Variants in CA10 observed in about 807,000 individuals in gnomAD.
The protein encoded by CA10 is carbonic anhydrase 10 (inactive), also known as carbonic anhydrase-related protein 10.
A neutral mutation model predicts 44.2 loss-of-function variants in CA10; 14 were observed. The observed-to-expected ratio is 0.32, with a 90% CI of 0.21 to 0.50. The LOEUF is 0.50. Ranked by LOEUF, CA10 falls within the 20% of genes least tolerant of loss-of-function variation. CA10 has a pLI of 0.99. For missense variants in CA10, 350 were observed against 409.7 expected (o/e 0.85, Z 1.26); for synonymous variants, 159 against 141.6 (o/e 1.12, Z -0.87).
intron 2 of CA10, among the ~76,000 whole-genome samples, chr17:52,040,045 TGAA>T (rs2144189377): frequency 1.3e-5 from 2 of 152,118 alleles, no homozygotes; most frequent in African/African-American, 4.8e-5. Flanking sequence ...ACACAATGTG[TGAA>T]GGAGTGGGCA....
chr17:51,943,683 T>G (rs1983168920), intron 2 of CA10, among the ~76,000 whole-genome samples: 1 of 152,134 alleles, frequency 6.6e-6, no homozygotes, highest in South Asian at 2.1e-4. Context: ...ATTAAATAAG[T>G]CTATGGCGGG....
At chr17:52,103,971 A>G (rs1471892399) in intron 1 of CA10, among the ~76,000 whole-genome samples, 1 of 152,252 alleles carries the variant, frequency 6.6e-6, no homozygotes, top group Non-Finnish European at 1.5e-5. Context: ...AGCTCTGCAG[A>G]ACCTAAAGTT....
At chr17:51,860,608 G>A (rs1979260394) in intron 3 of CA10, among the ~76,000 whole-genome samples, 1 of 152,096 alleles carries the variant, frequency 6.6e-6, no homozygotes, top group Admixed American at 6.6e-5. Flanking sequence ...CCTTAAGTTA[G>A]GTTTTCTCCT....
intron 3 of CA10, among the ~76,000 whole-genome samples, chr17:51,789,296 G>A (rs773512213): frequency 1.1e-4 from 16 of 152,166 alleles, no homozygotes; most frequent in Non-Finnish European, 1.8e-4. Flanking sequence ...GATTACAGGC[G>A]TGAGCCACCG....
chr17:51,910,329 C>T (rs965271520), intron 3 of CA10, among the ~76,000 whole-genome samples: 1 of 151,836 alleles, frequency 6.6e-6, no homozygotes, highest in Non-Finnish European at 1.5e-5. Context: ...CTGATAACAA[C>T]GAAAGAGCAG....
In CA10 at chr17:51,820,413, C is replaced by T. The variant is rs370727332; in HGVS notation, c.280-72595G>A. 5.2e-5 allele frequency among the ~76,000 whole-genome samples: 5 copies of T among 96,374 alleles called. 1 individual carries two copies. Among genetic ancestry groups the T allele is most frequent in the Admixed American group, 9.7e-5 (1 of 10,344 alleles). The allele number at this position is 96,374 out of a possible 152,430, so 63.2% of individuals were successfully genotyped here. A position where few individuals can be genotyped will look rare whatever the true frequency, so the allele number is the denominator to read the frequency against. The stretch of plus-strand genomic sequence containing the variant: ...AACCTGGGGATTCCCCTACCCCCCC[C>T]CCCCCGCCCGCCGATTTTCCTGTAC... On this transcript the variant is annotated intron_variant, in intron 3 of 8. Coordinates refer to ENST00000451037, the MANE Select transcript of CA10 (RefSeq NM_020178.5).
At chr17:51,814,202 T>A (rs1272251786) in intron 3 of CA10, among the ~76,000 whole-genome samples, 2 of 152,208 alleles carry the variant, frequency 1.3e-5, no homozygotes, top group Non-Finnish European at 2.9e-5. Flanking sequence ...TTATTAGTAT[T>A]AAATTATTAA....
intron 3 of CA10, among the ~76,000 whole-genome samples, chr17:51,894,945 C>T (rs764279225): frequency 1.8e-4 from 27 of 152,134 alleles, no homozygotes; most frequent in Admixed American, 6.6e-4. Context: ...AAGAAAAGGC[C>T]AACTGAGTCC....
intron 2 of CA10, among the ~76,000 whole-genome samples, chr17:51,990,103 A>C (rs1251677577): frequency 6.6e-6 from 1 of 152,162 alleles, no homozygotes; most frequent in Non-Finnish European, 1.5e-5. Context: ...CTTAAGATAC[A>C]TCTAGCTCTT....
At chr17:51,810,941 A>G (rs7217855) in intron 3 of CA10, among the ~76,000 whole-genome samples, 48,759 of 152,202 alleles carry the variant, frequency 0.32, 9,487 homozygotes, top group East Asian at 0.51. Flanking sequence ...GGTTGGGCAC[A>G]GTGGCTTACG....
intron 2 of CA10, among the ~76,000 whole-genome samples, chr17:51,949,882 C>A (rs10514990): frequency 0.14 from 21,093 of 152,146 alleles, 1,830 homozygotes; most frequent in South Asian, 0.31. Context: ...GCAACTCAGT[C>A]TAAGGCAGTA....
At chr17:51,723,247 G>T (rs1916408077) in intron 4 of CA10, among the ~76,000 whole-genome samples, 2 of 152,182 alleles carry the variant, frequency 1.3e-5, no homozygotes, top group African/African-American at 2.4e-5. Flanking sequence ...ACATGTAGTT[G>T]GTGGGAGAAC....
At chr17:52,091,541 C>T (rs1398044688) in intron 1 of CA10, among the ~76,000 whole-genome samples, 1 of 152,120 alleles carries the variant, frequency 6.6e-6, no homozygotes, top group African/African-American at 2.4e-5. Flanking sequence ...TAAACAATTT[C>T]CCCCCATTCT....
intron 3 of CA10, among the ~76,000 whole-genome samples, chr17:51,869,666 T>A (rs926207283): frequency 2.0e-5 from 3 of 152,096 alleles, no homozygotes; most frequent in African/African-American, 7.2e-5. Flanking sequence ...TCCCAGAACT[T>A]TGGGAGGCTG....
chr17:51,914,885 T>C (rs928359269), intron 3 of CA10, among the ~76,000 whole-genome samples: 1 of 152,208 alleles, frequency 6.6e-6, no homozygotes, highest in Non-Finnish European at 1.5e-5. Flanking sequence ...TCCTGGTTTG[T>C]AAAACTGGCC....
intron 4 of CA10, among the ~76,000 whole-genome samples, chr17:51,731,188 C>G (rs1032735326): frequency 1.3e-5 from 2 of 152,086 alleles, no homozygotes; most frequent in Non-Finnish European, 2.9e-5. Flanking sequence ...ACCATCGTGG[C>G]CAACATGGTG....
chr17:51,932,473 T>C (rs1248026643), intron 2 of CA10, among the ~76,000 whole-genome samples: 1 of 152,074 alleles, frequency 6.6e-6, no homozygotes, highest in Non-Finnish European at 1.5e-5. Flanking sequence ...GTAACAGACA[T>C]GGGAGGAGAA....
chr17:52,021,613 A>G (rs779657888), intron 2 of CA10, among the ~76,000 whole-genome samples: 1 of 152,032 alleles, frequency 6.6e-6, no homozygotes, highest in Non-Finnish European at 1.5e-5. Context: ...AGGAAAACCA[A>G]AGTTTATTTT....
At chr17:51,638,504 C>T (rs929511145) in intron 6 of CA10, among the ~76,000 whole-genome samples, 2 of 152,212 alleles carry the variant, frequency 1.3e-5, no homozygotes, top group African/African-American at 4.8e-5. Context: ...TGGGCAGATG[C>T]TTCCATAACA....
Sources: allele counts gnomAD v4.1 joint callset (sites outside exome capture counted in the v4.1 genomes callset), GRCh38; gene constraint gnomAD v4.1.1; transcripts MANE v1.5; gene names NCBI Gene and HGNC (gene_info 2026-07-23, HGNC 2026-07-21).